STPG2: variants seen among roughly 807,000 people sequenced by gnomAD.
STPG2 encodes the protein sperm-tail PG-rich repeat-containing protein 2.
A neutral mutation model predicts 54.2 loss-of-function variants in STPG2; 56 were observed. The ratio of observed to expected loss-of-function variants is 1.03; its 90% CI spans 0.83 to 1.29. The LOEUF (loss-of-function observed/expected upper bound fraction) is 1.29, where lower values mean the gene tolerates loss of function less well. Among genes scored for constraint, STPG2 ranks in the 50% most tolerant of loss-of-function variants. STPG2 has a pLI of 0.00. For synonymous variants in STPG2, 200 were observed against 181.8 expected (o/e 1.10, Z -0.81); for missense variants, 596 against 544.9 (o/e 1.09, Z -0.93).
At chr4:97,900,157 G>C (rs6836214) in intron 8 of STPG2, among the ~76,000 whole-genome samples, 3,076 of 151,608 alleles carry the variant, frequency 0.02, 116 homozygotes, top group African/African-American at 0.07. Context: ...CAGCCAACAA[G>C]CATTTGGGGA....
intron 4 of STPG2, among the ~76,000 whole-genome samples, chr4:97,535,638 A>C (rs1731511530): frequency 6.6e-6 from 1 of 152,110 alleles, no homozygotes; most frequent in African/African-American, 2.4e-5. Context: ...CTGATGTATA[A>C]AGTGTGACCC....
chr4:98,106,627 T>C (rs1286701498), intron 4 of STPG2, among the ~76,000 whole-genome samples: 2 of 152,168 alleles, frequency 1.3e-5, no homozygotes, highest in South Asian at 2.1e-4. Context: ...CTGCTACCTA[T>C]TGGTTATATA....
intron 4 of STPG2, among the ~76,000 whole-genome samples, chr4:97,463,844 G>T (rs1407327178): frequency 2.6e-5 from 4 of 152,138 alleles, no homozygotes; most frequent in African/African-American, 9.7e-5. Context: ...TGTTTTTTCA[G>T]ATTTCCTTAG....
chr4:97,766,549 C>T (rs1257690142), intron 9 of STPG2, among the ~76,000 whole-genome samples: 2 of 151,904 alleles, frequency 1.3e-5, no homozygotes. Context: ...ATTTGTAGGC[C>T]TTATCATAAC....
chr4:97,597,508 C>G (rs113603267), intron 10 of STPG2, among the ~76,000 whole-genome samples: 1 of 151,694 alleles, frequency 6.6e-6, no homozygotes, highest in Non-Finnish European at 1.5e-5. Flanking sequence ...AAAGAAAATC[C>G]AGCAGTGATC....
chr4:97,457,405 G>C (rs1475642327), intron 4 of STPG2, among the ~76,000 whole-genome samples: 1 of 152,210 alleles, frequency 6.6e-6, no homozygotes, highest in African/African-American at 2.4e-5. Flanking sequence ...ACCCAACTCA[G>C]TGTAAACAGT....
intron 9 of STPG2, among the ~76,000 whole-genome samples, chr4:97,824,759 A>C (rs1728201480): frequency 6.6e-6 from 1 of 152,206 alleles, no homozygotes; most frequent in East Asian, 1.9e-4. Flanking sequence ...TCCTTCTGGG[A>C]AGAGCATTGG....
chr4:97,677,918 G>T (rs900349281), intron 10 of STPG2, among the ~76,000 whole-genome samples: 1 of 152,108 alleles, frequency 6.6e-6, no homozygotes. Flanking sequence ...GTATTTTCAA[G>T]ATTAGGAGAT....
chr4:97,731,450 G>A (rs1330662133), intron 9 of STPG2, among the ~76,000 whole-genome samples: 5 of 152,130 alleles, frequency 3.3e-5, no homozygotes, highest in East Asian at 1.9e-4. Flanking sequence ...CAGTGCGTTT[G>A]CAGCATGCTC....
At chr4:97,971,957 T>A (rs1265148214) in intron 7 of STPG2, among the ~76,000 whole-genome samples, 1 of 152,182 alleles carries the variant, frequency 6.6e-6, no homozygotes, top group Non-Finnish European at 1.5e-5. Flanking sequence ...GCATCTTCAT[T>A]TTTTTCAAAT....
intron 10 of STPG2, among the ~76,000 whole-genome samples, chr4:97,684,282 T>C (rs1294133325): frequency 6.6e-6 from 1 of 151,816 alleles, no homozygotes; most frequent in African/African-American, 2.4e-5. Context: ...TCCAGAATAG[T>C]CAACATAATA....
chr4:98,041,948 G>A (rs2149307675), intron 5 of STPG2, among the ~76,000 whole-genome samples: 1 of 152,076 alleles, frequency 6.6e-6, no homozygotes, highest in Admixed American at 6.6e-5. Flanking sequence ...ATTTGGCTAT[G>A]AATCCATCTG....
intron 4 of STPG2, among the ~76,000 whole-genome samples, chr4:97,452,012 C>T (rs988872741): frequency 6.6e-6 from 1 of 151,780 alleles, no homozygotes; most frequent in Non-Finnish European, 1.5e-5. Context: ...AGGAGTTCTA[C>T]CCCTGCTAAG....
At chr4:97,883,296 G>A (rs953248818) in intron 8 of STPG2, among the ~76,000 whole-genome samples, 1 of 151,840 alleles carries the variant, frequency 6.6e-6, no homozygotes, top group Non-Finnish European at 1.5e-5. Flanking sequence ...GCTGAAGTGG[G>A]AGGATTGCTT....
intron 10 of STPG2, among the ~76,000 whole-genome samples, chr4:97,655,688 A>G (rs936951522): frequency 6.6e-6 from 1 of 152,086 alleles, no homozygotes; most frequent in African/African-American, 2.4e-5. Context: ...TGGCAGAATT[A>G]TTTATTTCCT....
At chr4:97,798,065 G>T (rs1427286536) in intron 9 of STPG2, among the ~76,000 whole-genome samples, 1 of 152,030 alleles carries the variant, frequency 6.6e-6, no homozygotes, top group Admixed American at 6.5e-5. Context: ...GCATCTATTT[G>T]ATTCTTCTCT....
chr4:97,608,854 C>A (rs908414341), intron 10 of STPG2, among the ~76,000 whole-genome samples: 24 of 152,028 alleles, frequency 1.6e-4, no homozygotes, highest in African/African-American at 5.6e-4. Context: ...TTTTATGCTG[C>A]ATTACTGCTT....
At chr4:98,060,330 G>T (rs908081830) in intron 5 of STPG2, among the ~76,000 whole-genome samples, 2 of 151,980 alleles carry the variant, frequency 1.3e-5, no homozygotes, top group Admixed American at 6.6e-5. Context: ...GCCACAAAAA[G>T]AATAAAATAC....
intron 10 of STPG2, among the ~76,000 whole-genome samples, chr4:97,635,455 ACAT>A (rs1467967049): frequency 2.0e-5 from 3 of 152,182 alleles, no homozygotes; most frequent in Non-Finnish European, 4.4e-5. Flanking sequence ...TAACCAGCTA[ACAT>A]CATAATGACA....
Sources: allele counts gnomAD v4.1 joint callset (sites outside exome capture counted in the v4.1 genomes callset), GRCh38; gene constraint gnomAD v4.1.1; transcripts MANE v1.5; gene names NCBI Gene and HGNC (gene_info 2026-07-23, HGNC 2026-07-21).